PDE1C: variants seen among roughly 807,000 people sequenced by gnomAD.
PDE1C encodes phosphodiesterase 1C, also known as dual specificity calcium/calmodulin-dependent 3',5'-cyclic nucleotide phosphodiesterase 1C.
PDE1C carries 62 observed loss-of-function variants against 93.1 expected under a neutral mutation model. The ratio of observed to expected loss-of-function variants is 0.67; its 90% confidence interval spans 0.54 to 0.82. The LOEUF is 0.82. Ranked by LOEUF, PDE1C falls within the 40% of genes least tolerant of loss-of-function variation. The pLI, the probability that PDE1C is intolerant of heterozygous loss-of-function variation, is 0.00. For synonymous variants in PDE1C, 325 were observed against 310.1 expected, an observed-to-expected ratio of 1.05 and a Z score of -0.50; for missense variants, 742 against 884.6, an observed-to-expected ratio of 0.84 and a Z score of 2.04.
At chr7:32,181,315 A>G (rs1442610603) in intron 2 of PDE1C, among the ~76,000 whole-genome samples, 1 of 152,162 alleles carries the variant, frequency 6.6e-6, no homozygotes, top group Non-Finnish European at 1.5e-5. Context: ...ACATCTACAG[A>G]ACTCTCCACC....
the PDE1C span, among the ~76,000 whole-genome samples, chr7:31,634,114 A>G: frequency 1.3e-5 from 2 of 152,168 alleles, no homozygotes; most frequent in African/African-American, 2.4e-5. Context: ...TCTGGTGATT[A>G]TTCCCACAAA....
At chr7:31,691,088 A>T in the PDE1C span, among the ~76,000 whole-genome samples, 1 of 152,164 alleles carries the variant, frequency 6.6e-6, no homozygotes, top group Non-Finnish European at 1.5e-5. Flanking sequence ...CAATCTCTAT[A>T]CAAACACTGA....
At chr7:31,848,690 G>C (rs1048151324) in intron 8 of PDE1C, among the ~76,000 whole-genome samples, 9 of 152,142 alleles carry the variant, frequency 5.9e-5, no homozygotes, top group African/African-American at 2.2e-4. Context: ...ACACACGACT[G>C]TATAATATTT....
chr7:32,196,580 T>C (rs2128826447), intron 2 of PDE1C, among the ~76,000 whole-genome samples: 1 of 152,272 alleles, frequency 6.6e-6, no homozygotes, highest in Middle Eastern at 3.4e-3. Context: ...TCCAGGGGTT[T>C]TAGTTGTAAT....
intron 2 of PDE1C, among the ~76,000 whole-genome samples, chr7:32,007,929 A>G (rs972342558): frequency 3.3e-5 from 5 of 152,234 alleles, no homozygotes; most frequent in Non-Finnish European, 5.9e-5. Context: ...GGGGAGTAGA[A>G]GCTAATATAA....
chr7:31,631,675 G>A, the PDE1C span, among the ~76,000 whole-genome samples: 1 of 152,174 alleles, frequency 6.6e-6, no homozygotes, highest in South Asian at 2.1e-4. Context: ...CGGAAGGAAG[G>A]AAAGAAGGGA....
intron 2 of PDE1C, among the ~76,000 whole-genome samples, chr7:31,896,486 G>A (rs1245978147): frequency 6.6e-6 from 1 of 152,072 alleles, no homozygotes; most frequent in Non-Finnish European, 1.5e-5. Flanking sequence ...TAGCCTTGTT[G>A]AATATACTCC....
intron 2 of PDE1C, among the ~76,000 whole-genome samples, chr7:31,899,591 T>C (rs1055350735): frequency 2.0e-5 from 3 of 152,112 alleles, no homozygotes; most frequent in African/African-American, 7.2e-5. Flanking sequence ...TTTTACATCA[T>C]ATATGAGAAG....
At chr7:31,901,439 T>C (rs1799970483) in intron 2 of PDE1C, among the ~76,000 whole-genome samples, 1 of 151,366 alleles carries the variant, frequency 6.6e-6, no homozygotes, top group Non-Finnish European at 1.5e-5. Flanking sequence ...AATTCTCTAA[T>C]TCCATGTGAA....
the PDE1C span, among the ~76,000 whole-genome samples, chr7:31,685,049 A>G: frequency 6.6e-6 from 1 of 152,144 alleles, no homozygotes; most frequent in South Asian, 2.1e-4. Flanking sequence ...ATGGAATACT[A>G]TTCAGCAATG....
chr7:31,652,534 C>G, the PDE1C span: 9 of 1,601,388 alleles, frequency 5.6e-6, no homozygotes. Flanking sequence ...GAGGTTCTCA[C>G]AGCAGAGCCA....
the PDE1C span, among the ~76,000 whole-genome samples, chr7:31,726,908 C>T: frequency 2.0e-5 from 3 of 152,080 alleles, no homozygotes; most frequent in African/African-American, 7.2e-5. Flanking sequence ...ATGGCAGGTG[C>T]CTGTAATCCC....
chr7:32,211,625 C>G (rs527290153), intron 1 of PDE1C, among the ~76,000 whole-genome samples: 2 of 151,604 alleles, frequency 1.3e-5, no homozygotes, highest in Admixed American at 1.3e-4. Context: ...GAGGGAGGGA[C>G]GGAGGAAGAA....
intron 2 of PDE1C, chr7:31,893,487 C>T: frequency 1.0e-6 from 1 of 984,548 alleles, no homozygotes; most frequent in Non-Finnish European, 1.2e-6. Context: ...TTATGCAGTC[C>T]CATCTCACTT....
At chr7:32,188,320 T>G (rs1226717197) in intron 2 of PDE1C, among the ~76,000 whole-genome samples, 2 of 152,146 alleles carry the variant, frequency 1.3e-5, no homozygotes, top group Non-Finnish European at 2.9e-5. Flanking sequence ...CTGCCTTCAA[T>G]TTTTTCTTTG....
At chr7:31,621,891 A>G in the PDE1C span, among the ~76,000 whole-genome samples, 1 of 151,872 alleles carries the variant, frequency 6.6e-6, no homozygotes, top group African/African-American at 2.4e-5. Flanking sequence ...ATAGGCTCAA[A>G]ATAAAAGGAT....
At chr7:32,257,828 T>C (rs1202173496) in intron 1 of PDE1C, among the ~76,000 whole-genome samples, 1 of 152,230 alleles carries the variant, frequency 6.6e-6, no homozygotes, top group African/African-American at 2.4e-5. Flanking sequence ...CTGACTTGCA[T>C]GGCCACATTT....
intron 1 of PDE1C, among the ~76,000 whole-genome samples, chr7:32,307,743 C>T (rs1813048040): frequency 6.6e-6 from 1 of 152,080 alleles, no homozygotes; most frequent in South Asian, 2.1e-4. Context: ...TAAAGCGGGC[C>T]CGAGGTGGAG....
intron 2 of PDE1C, among the ~76,000 whole-genome samples, chr7:32,173,517 AAAT>A (rs1802785283): frequency 1.3e-5 from 2 of 152,042 alleles, no homozygotes; most frequent in Non-Finnish European, 2.9e-5. Context: ...CAATAAATAA[AAAT>A]TAAAAATTAA....
Sources: gnomAD v4.1 joint callset for allele counts (sites outside exome capture counted in the v4.1 genomes callset) on GRCh38, gnomAD v4.1.1 for gene constraint, MANE v1.5 for transcripts, NCBI Gene and HGNC (gene_info 2026-07-23, HGNC 2026-07-21) for gene names.